NALCN: variants seen among roughly 807,000 people sequenced by gnomAD.
NALCN encodes the protein sodium leak channel NALCN.
NALCN carries 111 observed loss-of-function variants against 225.3 expected under a neutral mutation model. The observed-to-expected ratio is 0.49, with a 90% CI of 0.42 to 0.58. The LOEUF is 0.58. Ranked by LOEUF, NALCN falls within the 20% of genes least tolerant of loss-of-function variation. The pLI, the probability that NALCN is intolerant of heterozygous loss-of-function variation, is 0.00. For missense variants in NALCN, 1,378 were observed against 2,202.4 expected (o/e 0.63, Z 7.49); for synonymous variants, 764 against 769.0 (o/e 0.99, Z 0.11).
chr13:101,085,183 A>C (rs1453519313), intron 30 of NALCN, among the ~76,000 whole-genome samples: 2 of 152,150 alleles, frequency 1.3e-5, no homozygotes, highest in African/African-American at 4.8e-5. Context: ...CTGGATACTA[A>C]TCTTTTATCA....
At chr13:101,406,134 G>A (rs2047614547) in intron 1 of NALCN, among the ~76,000 whole-genome samples, 1 of 139,696 alleles carries the variant, frequency 7.2e-6, no homozygotes, top group Non-Finnish European at 1.5e-5. Context: ...GGGCAACATG[G>A]AGAAAACCCA....
At chr13:101,338,648 A>G (rs554081233) in intron 7 of NALCN, among the ~76,000 whole-genome samples, 4 of 152,220 alleles carry the variant, frequency 2.6e-5, no homozygotes, top group East Asian at 1.9e-4. Context: ...TTTCGCATAT[A>G]TGGTATATTT....
intron 15 of NALCN, among the ~76,000 whole-genome samples, chr13:101,151,435 T>C (rs1396567721): frequency 2.6e-5 from 4 of 152,238 alleles, no homozygotes; most frequent in Non-Finnish European, 5.9e-5. Flanking sequence ...TTAAAAAACA[T>C]TCAGACTTGG....
At chr13:101,145,479 A>G (rs1055384778) in intron 15 of NALCN, among the ~76,000 whole-genome samples, 1 of 152,224 alleles carries the variant, frequency 6.6e-6, no homozygotes, top group African/African-American at 2.4e-5. Context: ...ACGAACTTAA[A>G]TGCCATATGA....
intron 13 of NALCN, among the ~76,000 whole-genome samples, chr13:101,217,945 C>T (rs2040802215): frequency 1.3e-5 from 2 of 152,152 alleles, no homozygotes; most frequent in South Asian, 2.1e-4. Context: ...ATAGGAGCAG[C>T]TTTGGAGACA....
Position 101,171,438 on chromosome 13 carries a change from CAT to C in NALCN, c.1839+4860_1839+4861del, listed in dbSNP as rs1367416487. 2.0e-5 allele frequency among the ~76,000 whole-genome samples: 3 copies of C among 151,296 alleles called. No individual in the cohort carries two copies. The East Asian group carries it at 5.8e-4, about 29-fold the overall frequency. On this transcript the variant is annotated intron_variant, in intron 15 of 43. Transcript: ENST00000251127. Reference sequence around the variant, plus strand: ...GTAATAATAGATATACACACACACACATATATATTTTTTTCCGAGGTCTCTGT... The same window carrying C: ...GTAATAATAGATATACACACACACACATATATTTTTTTCCGAGGTCTCTGT...
chr13:101,310,989 T>C (rs2044321834), intron 7 of NALCN, among the ~76,000 whole-genome samples: 1 of 152,064 alleles, frequency 6.6e-6, no homozygotes, highest in African/African-American at 2.4e-5. Flanking sequence ...TTCCTACCCA[T>C]GAGCATGGAA....
chr13:101,298,031 A>G (rs922237029), intron 7 of NALCN, among the ~76,000 whole-genome samples: 1 of 152,150 alleles, frequency 6.6e-6, no homozygotes, highest in Non-Finnish European at 1.5e-5. Flanking sequence ...ACCACTATAC[A>G]TGGATGACTA....
intron 34 of NALCN, among the ~76,000 whole-genome samples, chr13:101,079,555 C>A (rs146275649): frequency 3.9e-5 from 6 of 152,298 alleles, no homozygotes; most frequent in Non-Finnish European, 8.8e-5. Flanking sequence ...CCACTATTAT[C>A]TATGTTGTCA....
At chr13:101,194,624 T>C (rs113477702) in intron 13 of NALCN, among the ~76,000 whole-genome samples, 87 of 152,276 alleles carry the variant, frequency 5.7e-4, no homozygotes, top group Non-Finnish European at 1.0e-3. Context: ...GCATTGGGGA[T>C]TGAGTGGAGT....
chr13:101,170,913 A>G (rs1345251253), intron 15 of NALCN, among the ~76,000 whole-genome samples: 1 of 152,194 alleles, frequency 6.6e-6, no homozygotes, highest in Non-Finnish European at 1.5e-5. Flanking sequence ...AAAACCCTTT[A>G]TATCTGTCTT....
chr13:101,223,142 C>T (rs2041009722), intron 13 of NALCN, among the ~76,000 whole-genome samples: 1 of 152,140 alleles, frequency 6.6e-6, no homozygotes, highest in Non-Finnish European at 1.5e-5. Flanking sequence ...ACGGGACATT[C>T]ACAACCTCTT....
chr13:101,131,286 G>A (rs1291923150), intron 17 of NALCN, among the ~76,000 whole-genome samples: 2 of 152,058 alleles, frequency 1.3e-5, no homozygotes, highest in South Asian at 2.1e-4. Flanking sequence ...TTTGTAGGTT[G>A]CTTTCCTTGT....
intron 3 of NALCN, among the ~76,000 whole-genome samples, chr13:101,391,704 G>A (rs1021946945): frequency 7.1e-6 from 1 of 141,120 alleles, no homozygotes; most frequent in African/African-American, 2.7e-5. Context: ...GAAGACATAG[G>A]TCTGCCACAG....
At chr13:101,154,928 T>G (rs2037831314) in intron 15 of NALCN, among the ~76,000 whole-genome samples, 1 of 152,202 alleles carries the variant, frequency 6.6e-6, no homozygotes, top group South Asian at 2.1e-4. Context: ...ATTTGGCTCT[T>G]GATAAAGTGT....
intron 1 of NALCN, among the ~76,000 whole-genome samples, chr13:101,415,002 C>A (rs9300665): frequency 0.64 from 96,704 of 150,670 alleles, 32,080 homozygotes; most frequent in African/African-American, 0.72. Context: ...CGCAGAATGA[C>A]AGCCAACCAG....
At chr13:101,178,179 C>G (rs576210290) in intron 14 of NALCN, among the ~76,000 whole-genome samples, 1 of 152,312 alleles carries the variant, frequency 6.6e-6, no homozygotes, top group East Asian at 1.9e-4. Context: ...AGTCTACCTT[C>G]CCCTGTCTTG....
At chr13:101,085,224 TCTTGG>T (rs1435936796) in intron 30 of NALCN, among the ~76,000 whole-genome samples, 3 of 152,184 alleles carry the variant, frequency 2.0e-5, no homozygotes, top group Non-Finnish European at 4.4e-5. Flanking sequence ...TTTCTCTTAG[TCTTGG>T]CTTGTATTTT....
chr13:101,331,372 T>C (rs375062910), intron 7 of NALCN, among the ~76,000 whole-genome samples: 19 of 152,086 alleles, frequency 1.2e-4, no homozygotes, highest in African/African-American at 4.6e-4. Context: ...TAGATAGAAA[T>C]ATTAGGTATA....
Sources: gnomAD v4.1 joint callset for allele counts (sites outside exome capture counted in the v4.1 genomes callset) on GRCh38, gnomAD v4.1.1 for gene constraint, MANE v1.5 for transcripts, NCBI Gene and HGNC (gene_info 2026-07-23, HGNC 2026-07-21) for gene names.